Variants in DPP6 observed in about 807,000 individuals in gnomAD.
DPP6 encodes the protein dipeptidyl peptidase like 6.
A neutral mutation model predicts 122.6 loss-of-function variants in DPP6; 69 were observed. The ratio of observed to expected loss-of-function variants is 0.56; its 90% CI spans 0.46 to 0.69. DPP6 has a LOEUF of 0.69. Ranked by LOEUF, DPP6 falls within the 30% of genes least tolerant of loss-of-function variation. The pLI, the probability that DPP6 is intolerant of heterozygous loss-of-function variation, is 0.00. For missense variants in DPP6, 928 were observed against 1,116.9 expected, an observed-to-expected ratio of 0.83 and a Z score of 2.41; for synonymous variants, 418 against 433.1, an observed-to-expected ratio of 0.97 and a Z score of 0.43.
chr7:154,488,252 G>T (rs1030631158), intron 3 of DPP6, among the ~76,000 whole-genome samples: 3 of 152,090 alleles, frequency 2.0e-5, no homozygotes, highest in Non-Finnish European at 2.9e-5. Flanking sequence ...ACTTTGGGAG[G>T]CCGAGGCTGG....
At chr7:153,983,913 CCT>C (rs1436258497) in intron 1 of DPP6, among the ~76,000 whole-genome samples, 1 of 152,014 alleles carries the variant, frequency 6.6e-6, no homozygotes, top group East Asian at 1.9e-4. Flanking sequence ...GGACTGTGTA[CCT>C]CAGTTGGAAA....
intron 7 of DPP6, among the ~76,000 whole-genome samples, chr7:154,702,309 G>C (rs1443825678): frequency 1.3e-5 from 2 of 152,234 alleles, no homozygotes; most frequent in Non-Finnish European, 2.9e-5. Context: ...ATAAATGGAA[G>C]AATTGCAGGT....
chr7:154,487,713 G>A (rs924033204), intron 3 of DPP6, among the ~76,000 whole-genome samples: 5 of 152,180 alleles, frequency 3.3e-5, no homozygotes, highest in Admixed American at 6.5e-5. Context: ...ATTCACATGA[G>A]CACTGACACC....
intron 1 of DPP6, among the ~76,000 whole-genome samples, chr7:153,936,199 G>A (rs534061855): frequency 6.6e-6 from 1 of 152,148 alleles, no homozygotes; most frequent in East Asian, 1.9e-4. Flanking sequence ...TTATAAACTG[G>A]TGGGTGGAGA....
At chr7:154,427,485 C>T (rs1818010232) in intron 1 of DPP6, among the ~76,000 whole-genome samples, 1 of 152,162 alleles carries the variant, frequency 6.6e-6, no homozygotes, top group Admixed American at 6.5e-5. Flanking sequence ...CTTCAACTGT[C>T]AGAAGAGGCT....
At chr7:154,204,448 T>A (rs1799329088) in intron 1 of DPP6, among the ~76,000 whole-genome samples, 1 of 152,188 alleles carries the variant, frequency 6.6e-6, no homozygotes, top group African/African-American at 2.4e-5. Flanking sequence ...CCATTCACCC[T>A]TGTGTAGAGT....
chr7:153,817,623 A>T, the DPP6 span, among the ~76,000 whole-genome samples: 4 of 151,780 alleles, frequency 2.6e-5, no homozygotes, highest in African/African-American at 9.7e-5. Flanking sequence ...TTGTAGGAAC[A>T]TGGATGAAGC....
At chr7:154,260,715 G>A (rs1023395458) in intron 1 of DPP6, among the ~76,000 whole-genome samples, 4 of 146,104 alleles carry the variant, frequency 2.7e-5, no homozygotes, top group South Asian at 2.1e-4. Flanking sequence ...TATATATTAT[G>A]TATATATAAA....
chr7:154,724,514 G>A (rs904967845), intron 7 of DPP6, among the ~76,000 whole-genome samples: 6 of 152,196 alleles, frequency 3.9e-5, no homozygotes, highest in Admixed American at 3.3e-4. Context: ...CCTTCTCTTC[G>A]CCACACCATC....
At chr7:154,371,505 T>C (rs1812675067) in intron 1 of DPP6, among the ~76,000 whole-genome samples, 1 of 152,056 alleles carries the variant, frequency 6.6e-6, no homozygotes, top group South Asian at 2.1e-4. Context: ...CCCATTCTCC[T>C]GAGTAGGCTC....
chr7:154,061,984 TC>T (rs1802022632), intron 1 of DPP6, among the ~76,000 whole-genome samples: 1 of 126,212 alleles, frequency 7.9e-6, no homozygotes, highest in African/African-American at 3.0e-5. Context: ...TATCCCCTCT[TC>T]CGCCCCTGGC....
At chr7:154,646,027 C>CAAAAAAAAA (rs71184020) in intron 6 of DPP6, among the ~76,000 whole-genome samples, 20,561 of 57,326 alleles carry the variant, frequency 0.36, 6,224 homozygotes, top group East Asian at 0.65. Context: ...GACTCCGTCT[C>CAAAAAAAAA]AAAAAAAAAA....
chr7:154,508,387 C>T (rs1825818793), intron 3 of DPP6, among the ~76,000 whole-genome samples: 1 of 152,116 alleles, frequency 6.6e-6, no homozygotes, highest in South Asian at 2.1e-4. Context: ...CAGCTGGTGA[C>T]TGTGGTATCT....
chr7:154,043,511 C>CTTATT (rs1455184266), intron 1 of DPP6, among the ~76,000 whole-genome samples: 2 of 139,746 alleles, frequency 1.4e-5, no homozygotes, highest in Non-Finnish European at 3.0e-5. Flanking sequence ...AACCAGGTAT[C>CTTATT]TTATTGGAAG....
At chr7:154,006,540 A>C (rs1490189412) in intron 1 of DPP6, among the ~76,000 whole-genome samples, 4 of 152,198 alleles carry the variant, frequency 2.6e-5, no homozygotes, top group Non-Finnish European at 5.9e-5. Flanking sequence ...AGCAAAGCAA[A>C]GGATTGTGTA....
intron 18 of DPP6, among the ~76,000 whole-genome samples, chr7:154,869,997 T>G (rs1163716938): frequency 6.6e-6 from 1 of 151,890 alleles, no homozygotes; most frequent in Non-Finnish European, 1.5e-5. Flanking sequence ...TGTCTGTGTG[T>G]GAGACAGAGT....
intron 1 of DPP6, among the ~76,000 whole-genome samples, chr7:154,200,205 A>C (rs1799098378): frequency 6.6e-6 from 1 of 151,996 alleles, no homozygotes; most frequent in Admixed American, 6.6e-5. Context: ...TTTTTTAAAC[A>C]ATTTTTTATT....
intron 6 of DPP6, among the ~76,000 whole-genome samples, chr7:154,667,094 C>T (rs1838215299): frequency 6.6e-6 from 1 of 151,892 alleles, no homozygotes; most frequent in South Asian, 2.1e-4. Flanking sequence ...TATTTGAGTA[C>T]CTTTCATATG....
At chr7:154,582,551 T>C (rs1291535337) in intron 5 of DPP6, among the ~76,000 whole-genome samples, 1 of 152,182 alleles carries the variant, frequency 6.6e-6, no homozygotes, top group Non-Finnish European at 1.5e-5. Flanking sequence ...CTCCTCCTCC[T>C]GTTTCCTAAG....
Sources: allele counts gnomAD v4.1 joint callset (sites outside exome capture counted in the v4.1 genomes callset), GRCh38; gene constraint gnomAD v4.1.1; transcripts MANE v1.5; gene names NCBI Gene and HGNC (gene_info 2026-07-23, HGNC 2026-07-21).